The following PGBD1 variants were observed in gnomAD, a reference collection of about 807,000 sequenced individuals.
The protein encoded by PGBD1 is piggyBac transposable element-derived protein 1.
A neutral mutation model predicts 34.7 loss-of-function variants in PGBD1; 25 were observed. The observed-to-expected ratio is 0.72, with a 90% CI of 0.52 to 1.00. PGBD1 has a LOEUF of 1.00. PGBD1 is among the 50% of genes least tolerant of loss of function. PGBD1 has a pLI of 0.00. For missense variants in PGBD1, 830 were observed against 959.4 expected (o/e 0.87, Z 1.78); for synonymous variants, 292 against 335.7 (o/e 0.87, Z 1.42).
In PGBD1 at chr6:28,301,480, C is replaced by T; in HGVS notation, c.1626C>T (p.Tyr542=). The change falls in exon 7 of 7, where the codon TAC becomes TAT. Residue 542 remains tyrosine, a synonymous_variant. Transcript: ENST00000682144. The part of the protein sequence containing the change: ...NFLLYAPLEE[Y]YCFDKSMCEC... The stretch of plus-strand genomic sequence containing the variant: ...TCTTGTATGCTCCCCTGGAAGAATA[C>T]TATTGCTTTGATAAGTCAATGTGTG... 1 of 1,613,966 alleles carries T rather than the reference C, an allele frequency of 6.2e-7. No homozygotes were observed. Among genetic ancestry groups the T allele is most frequent in the South Asian group, 1.1e-5 (1 of 91,090 alleles).
At chr6:28,283,464 A>G (rs1305318444) in intron 1 of PGBD1, among the ~76,000 whole-genome samples, 1 of 152,232 alleles carries the variant, frequency 6.6e-6, no homozygotes, top group Non-Finnish European at 1.5e-5. Context: ...CCATGAAGGC[A>G]GCCATCTGCC....
At chr6:28,291,241 A>T (rs1762442568) in intron 4 of PGBD1, among the ~76,000 whole-genome samples, 1 of 151,844 alleles carries the variant, frequency 6.6e-6, no homozygotes, top group Non-Finnish European at 1.5e-5. Context: ...ACCCAAATGA[A>T]TAAAATCAGA....
At chr6:28,290,765 G>A (rs1276938452) in intron 4 of PGBD1, among the ~76,000 whole-genome samples, 1 of 151,936 alleles carries the variant, frequency 6.6e-6, no homozygotes, top group Non-Finnish European at 1.5e-5. Flanking sequence ...TAATCACAGT[G>A]GAATAAAACT....
intron 4 of PGBD1, among the ~76,000 whole-genome samples, chr6:28,293,163 G>A (rs917221412): frequency 3.9e-5 from 6 of 152,004 alleles, no homozygotes; most frequent in Non-Finnish European, 7.4e-5. Flanking sequence ...GGATGGTCTC[G>A]ATCTCCTGAC....
At position 28,283,760 on chromosome 6, in the gene PGBD1, C is replaced by G. The variant is rs1762195890; in HGVS notation, c.-38-16C>G. 1.3e-6 allele frequency: 2 copies of G among 1,507,072 alleles called. No individual in the cohort carries two copies. The highest frequency in any genetic ancestry group is 1.8e-6 in the Non-Finnish European group (2 of 1,128,618). The allele number at this position is 1,507,072 out of a possible 1,614,324, so 93.4% of individuals were successfully genotyped here. ...TGATAAATTCTTATGCCTCAGATCT[C>G]TATTTCTGAATATAGACCCCAAGCT... On this transcript the variant is annotated splice_polypyrimidine_tract_variant and intron_variant, in intron 1 of 6. Coordinates refer to ENST00000682144, the MANE Select transcript of PGBD1 (RefSeq NM_032507.4).
At chr6:28,289,742 G>A (rs1157477444) in intron 4 of PGBD1, among the ~76,000 whole-genome samples, 1 of 152,128 alleles carries the variant, frequency 6.6e-6, no homozygotes, top group African/African-American at 2.4e-5. Flanking sequence ...GCTATACCTG[G>A]AGACATGAGA....
rs1413286198 is a variant in PGBD1, at chr6:28,300,586, A to G, written c.870-138A>G. ...GTTTAATCTAGCCAAAGTCCTCCCC[A>G]TGGAAACTTAAGAGAAATAAGTAAG... is the stretch of plus-strand genomic sequence containing the variant. On this transcript the variant is annotated intron_variant, in intron 6 of 6. Transcript: ENST00000682144. This position sits in a 1 kb window ranked among gnomAD's most constrained non-coding sequence, Gnocchi z 4.0. The G allele has an allele frequency of 3.0e-6, 3 of 1,000,834 alleles. No individual in the cohort carries two copies. Among genetic ancestry groups the G allele is most frequent in the Non-Finnish European group, 4.3e-6 (3 of 703,968 alleles). The allele number at this position is 1,000,834 out of a possible 1,614,324, so 62.0% of individuals were successfully genotyped here. A position where few individuals can be genotyped will look rare whatever the true frequency, so the allele number is the denominator to read the frequency against.
At chr6:28,282,753 T>A (rs1762167229) in intron 1 of PGBD1, among the ~76,000 whole-genome samples, 1 of 152,012 alleles carries the variant, frequency 6.6e-6, no homozygotes, top group Admixed American at 6.6e-5. Context: ...TATAGTGCAG[T>A]AGAGGCCCAC....
chr6:28,292,294 T>A (rs1206584858), intron 4 of PGBD1, among the ~76,000 whole-genome samples: 1 of 152,000 alleles, frequency 6.6e-6, no homozygotes, highest in Non-Finnish European at 1.5e-5. Flanking sequence ...TAGTGAACAA[T>A]CTGAGATAGA....
At chr6:28,294,846 C>CA (rs1762580174) in intron 4 of PGBD1, among the ~76,000 whole-genome samples, 1 of 152,246 alleles carries the variant, frequency 6.6e-6, no homozygotes, top group Non-Finnish European at 1.5e-5. Context: ...CCTGCCAATA[C>CA]AATACACATT....
In PGBD1 at chr6:28,287,089, C is replaced by A; in HGVS notation, c.563C>A (p.Pro188His). The A allele has an allele frequency of 6.2e-7, 1 of 1,613,878 alleles. No individual in the cohort carries two copies. The highest frequency in any genetic ancestry group is 8.5e-7 in the Non-Finnish European group (1 of 1,179,832). Residue 188 changes from proline to histidine, a missense_variant, in exon 4 of 7, where the codon CCC becomes CAC. Transcript: ENST00000682144. ...CCCTCTCTCTCTGCAGGGCCTGTTC[C>A]CCACGGATCAGCTCATCTCCAGGAA... ...GNPQEVSGPV[P>H]HGSAHLQEKN...
At chr6:28,292,019 A>G (rs186044042) in intron 4 of PGBD1, among the ~76,000 whole-genome samples, 40 of 152,294 alleles carry the variant, frequency 2.6e-4, no homozygotes, top group African/African-American at 9.1e-4. Context: ...AAGGACTGGA[A>G]CAAGATAAGA....
intron 4 of PGBD1, 85 bp downstream of exon 4, chr6:28,287,253 A>G (rs760168916): frequency 5.2e-5 from 62 of 1,202,192 alleles, no homozygotes; most frequent in Non-Finnish European, 6.8e-5. Context: ...CTTGGCTCAC[A>G]CTCATCATCG....
chr6:28,281,613 A>G lies in PGBD1; in HGVS notation c.-344A>G, dbSNP rs924134752. The stretch of plus-strand genomic sequence containing the variant: ...TGGAGGCGCCGGCAGCGCCCGCCAG[A>G]CCCGCCAGCCCAGCGGCCCGGGCTC... On this transcript the variant is annotated 5_prime_UTR_variant, in exon 1 of 7. Coordinates refer to ENST00000682144, the MANE Select transcript of PGBD1 (RefSeq NM_032507.4). The G allele has an allele frequency of 2.6e-6, 1 of 381,250 alleles. No individual in the cohort carries two copies. The highest frequency in any genetic ancestry group is 4.5e-5 in the Admixed American group (1 of 22,094). 23.6% of individuals were successfully genotyped at this position (381,250 alleles called of 1,614,324 possible).
chr6:28,294,938 A>G (rs190320544), intron 4 of PGBD1, among the ~76,000 whole-genome samples: 2 of 152,324 alleles, frequency 1.3e-5, no homozygotes, highest in Admixed American at 1.3e-4. Context: ...TATAGCTGCC[A>G]TAGATAGTGA....
At chr6:28,297,644 C>T (rs1031190911) in intron 5 of PGBD1, among the ~76,000 whole-genome samples, 1 of 152,118 alleles carries the variant, frequency 6.6e-6, no homozygotes, top group African/African-American at 2.4e-5. Context: ...TTGAAATGTG[C>T]TCTGCCCTGT....
chr6:28,287,317 C>T, intron 4 of PGBD1, 149 bp downstream of exon 4: 1 of 703,230 alleles, frequency 1.4e-6, no homozygotes, highest in Non-Finnish European at 2.6e-6. Context: ...CACAGAATAT[C>T]ACAAAGTGTG....
intron 3 of PGBD1, 54 bp downstream of exon 3, chr6:28,285,761 G>C (rs1020566905): frequency 6.4e-7 from 1 of 1,559,586 alleles, no homozygotes; most frequent in Admixed American, 1.9e-5. Flanking sequence ...ACTGACACTT[G>C]CACAGCCTTC....
chr6:28,283,788 G>C lies in PGBD1; in HGVS notation c.-26G>C. ...TTTCTGAATATAGACCCCAAGCTAA[G>C]TGAAGCTTTAGCCTCTAAGCTCAAC... is the stretch of plus-strand genomic sequence containing the variant. On this transcript the variant is annotated 5_prime_UTR_variant, in exon 2 of 7. Coordinates refer to ENST00000682144, the MANE Select transcript of PGBD1 (RefSeq NM_032507.4). The C allele has an allele frequency of 6.5e-7, 1 of 1,536,944 alleles. No homozygotes were observed. The highest frequency in any genetic ancestry group is 1.3e-5 in the South Asian group (1 of 79,272).
Sources: allele counts gnomAD v4.1 joint callset (sites outside exome capture counted in the v4.1 genomes callset), GRCh38; gene constraint gnomAD v4.1.1; non-coding constraint Gnocchi (gnomAD v3.1); transcripts MANE v1.5; gene names NCBI Gene and HGNC (gene_info 2026-07-23, HGNC 2026-07-21).